IFT57: variants seen among roughly 807,000 people sequenced by gnomAD.
IFT57 encodes intraflagellar transport protein 57 homolog.
In IFT57, 59 loss-of-function variants were observed where a neutral mutation model predicts 56.8. The observed-to-expected ratio is 1.04, with a 90% CI of 0.84 to 1.29. IFT57 has a LOEUF of 1.29. Among genes scored for constraint, IFT57 ranks in the 50% most tolerant of loss-of-function variants. IFT57 has a pLI of 0.00. For missense variants in IFT57, 470 were observed against 522.1 expected, an observed-to-expected ratio of 0.90 and a Z score of 0.97; for synonymous variants, 209 against 186.1, an observed-to-expected ratio of 1.12 and a Z score of -1.00.
chr3:108,204,444 C>G (rs9868639), intron 5 of IFT57, among the ~76,000 whole-genome samples: 14,617 of 152,206 alleles, frequency 0.096, 765 homozygotes, highest in Middle Eastern at 0.12. Flanking sequence ...AATTGGTGTA[C>G]TGGCAGAAGC....
chr3:108,203,982 T>G (rs945119892), intron 5 of IFT57, among the ~76,000 whole-genome samples: 1 of 152,230 alleles, frequency 6.6e-6, no homozygotes, highest in Admixed American at 6.5e-5. Context: ...AGTGAAGAAT[T>G]CATCATGCTC....
intron 6 of IFT57, among the ~76,000 whole-genome samples, chr3:108,185,833 A>G (rs1351472760): frequency 1.3e-5 from 2 of 152,154 alleles, no homozygotes; most frequent in Admixed American, 1.3e-4. Flanking sequence ...GTTGTGCAAG[A>G]AAAGGGCCTA....
intron 1 of IFT57, 60 bp downstream of exon 1, chr3:108,222,051 A>C: frequency 4.5e-6 from 7 of 1,550,300 alleles, no homozygotes; most frequent in Non-Finnish European, 6.1e-6. Flanking sequence ...AGCAGGACCA[A>C]GGAGGGCATC....
chr3:108,191,052 A>C (rs1203966907), intron 6 of IFT57, among the ~76,000 whole-genome samples: 1 of 152,126 alleles, frequency 6.6e-6, no homozygotes, highest in African/African-American at 2.4e-5. Flanking sequence ...CGGCCTCCCA[A>C]AGCGTTGGGA....
At chr3:108,205,737 CTTGA>C (rs1385411266) in intron 5 of IFT57, among the ~76,000 whole-genome samples, 2 of 142,726 alleles carry the variant, frequency 1.4e-5, no homozygotes, top group African/African-American at 5.2e-5. Flanking sequence ...GGTATATATC[CTTGA>C]TTAATATATA....
chr3:108,193,861 C>T (rs1481393810), intron 5 of IFT57, among the ~76,000 whole-genome samples: 1 of 152,184 alleles, frequency 6.6e-6, no homozygotes, highest in African/African-American at 2.4e-5. Context: ...TTCACTGGCA[C>T]ATTGAGTACC....
intron 3 of IFT57, among the ~76,000 whole-genome samples, chr3:108,215,910 C>G (rs189995501): frequency 6.6e-6 from 1 of 152,062 alleles, no homozygotes; most frequent in African/African-American, 2.4e-5. Flanking sequence ...ATAAATAGTA[C>G]TGGGGAAACT....
At chr3:108,218,959 A>T (rs1348419362) in intron 2 of IFT57, among the ~76,000 whole-genome samples, 2 of 152,198 alleles carry the variant, frequency 1.3e-5, no homozygotes, top group African/African-American at 4.8e-5. Flanking sequence ...AACTATGTTT[A>T]AGGACAGAGT....
At chr3:108,217,192 A>G (rs920288470) in intron 3 of IFT57, among the ~76,000 whole-genome samples, 1 of 152,140 alleles carries the variant, frequency 6.6e-6, no homozygotes, top group Middle Eastern at 3.2e-3. Flanking sequence ...ATGTATCGAA[A>G]CATCACATTG....
chr3:108,222,269 A>G lies in IFT57; in HGVS notation c.54T>C (p.Pro18=). ...VTTSGLEDGV[P]RSRGEGTGEV... ...CCCCGGTCCCTTCGCCACGGGACCT[A>G]GGCACCCCATCTTCCAAACCCGACG... The change falls in exon 1 of 11, where the codon CCT becomes CCC. Residue 18 remains proline (P), a synonymous_variant. Transcript: ENST00000264538. 1 of 1,613,872 alleles carries G rather than the reference A, an allele frequency of 6.2e-7. No homozygotes were observed. The highest frequency in any genetic ancestry group is 8.5e-7 in the Non-Finnish European group (1 of 1,179,968).
At chr3:108,177,904 G>A (rs559595667) in intron 6 of IFT57, among the ~76,000 whole-genome samples, 3 of 151,666 alleles carry the variant, frequency 2.0e-5, no homozygotes, top group Non-Finnish European at 2.9e-5. Flanking sequence ...TGTTATCTGC[G>A]AATGACATAA....
intron 4 of IFT57, among the ~76,000 whole-genome samples, chr3:108,209,682 A>G (rs1240883803): frequency 4.6e-5 from 7 of 152,224 alleles, no homozygotes; most frequent in Admixed American, 4.6e-4. Context: ...AGAACAAAAA[A>G]GCTGAGAAAG....
At chr3:108,187,900 T>C (rs1218046479) in intron 6 of IFT57, among the ~76,000 whole-genome samples, 1 of 151,642 alleles carries the variant, frequency 6.6e-6, no homozygotes, top group Non-Finnish European at 1.5e-5. Context: ...CTGTGTTGAG[T>C]GAAAGGTTAT....
intron 5 of IFT57, among the ~76,000 whole-genome samples, chr3:108,205,985 A>AT (rs1160858580): frequency 0.2 from 10,187 of 50,880 alleles, 466 homozygotes; most frequent in Non-Finnish European, 0.32. Context: ...TATATAATAT[A>AT]TAATATATTT....
At chr3:108,170,297 A>G (rs918931450) in intron 6 of IFT57, among the ~76,000 whole-genome samples, 1 of 152,096 alleles carries the variant, frequency 6.6e-6, no homozygotes, top group African/African-American at 2.4e-5. Flanking sequence ...CAACTTCAGC[A>G]AAGTCTCAGG....
chr3:108,189,725 C>T (rs951588085), intron 6 of IFT57, among the ~76,000 whole-genome samples: 1 of 152,018 alleles, frequency 6.6e-6, no homozygotes, highest in Non-Finnish European at 1.5e-5. Flanking sequence ...AGAGGTTGGT[C>T]GTTAGGGGCA....
Position 108,206,659 on chromosome 3 carries a change from A to C in IFT57, c.623T>G (p.Leu208Arg). 1.4e-6 allele frequency: 2 copies of C among 1,398,216 alleles called. No homozygotes were observed. Among genetic ancestry groups the C allele is most frequent in the African/African-American group, 1.4e-5 (1 of 69,002 alleles). The allele number at this position is 1,398,216 out of a possible 1,614,324, so 86.6% of individuals were successfully genotyped here. A position where few individuals can be genotyped will look rare whatever the true frequency, so the allele number is the denominator to read the frequency against. Residue 208 changes from leucine (L) to arginine (R), a missense_variant, in exon 5 of 11, where the codon CTC becomes CGC. By Grantham distance (102) the Leu-to-Arg change is moderately radical. Coordinates refer to ENST00000264538, the MANE Select transcript of IFT57 (RefSeq NM_018010.4). ...ATATGTCTGGGCCTTTAAAACGTTG[A>C]GATCAATAAAGTTTTCTTCATTATC... ...ETDNEENFID[L>R]NVLKAQTYHL...
At chr3:108,215,243 A>C (rs1014091269) in intron 3 of IFT57, among the ~76,000 whole-genome samples, 5 of 152,076 alleles carry the variant, frequency 3.3e-5, no homozygotes, top group African/African-American at 1.2e-4. Flanking sequence ...TCCAGTAACA[A>C]AGCTAGAGAG....
chr3:108,183,935 C>A (rs2080165026), intron 6 of IFT57, among the ~76,000 whole-genome samples: 1 of 152,034 alleles, frequency 6.6e-6, no homozygotes, highest in Non-Finnish European at 1.5e-5. Context: ...TCAGCTTCAA[C>A]TATTGTTATA....
Sources: allele counts gnomAD v4.1 joint callset (sites outside exome capture counted in the v4.1 genomes callset), GRCh38; gene constraint gnomAD v4.1.1; transcripts MANE v1.5; gene names NCBI Gene and HGNC (gene_info 2026-07-23, HGNC 2026-07-21).